The following SLC39A10 variants were observed in gnomAD, a reference collection of about 807,000 sequenced individuals.
The protein encoded by SLC39A10 is solute carrier family 39 member 10, also known as zinc transporter ZIP10.
Under a neutral mutation model 65.1 loss-of-function variants are expected in SLC39A10, and 13 were observed. That is an observed-to-expected ratio of 0.20 (90% CI 0.13 to 0.32). The LOEUF (loss-of-function observed/expected upper bound fraction) is 0.32. SLC39A10 is among the 10% of genes least tolerant of loss of function. The probability of loss-of-function intolerance (pLI) is 1.00; values close to 1 mark genes in which losing one functional copy is unlikely to be tolerated. For missense variants in SLC39A10, 831 were observed against 1,018.4 expected (o/e 0.82, Z 2.50); for synonymous variants, 321 against 342.2 (o/e 0.94, Z 0.68).
chr2:195,684,712 A>G (rs1561451), intron 3 of SLC39A10, among the ~76,000 whole-genome samples: 108,295 of 151,852 alleles, frequency 0.71, 38,723 homozygotes, highest in Non-Finnish European at 0.73. Flanking sequence ...CCACTCTGTC[A>G]TAACAATTCT....
At chr2:195,685,169 A>T (rs984663705) in intron 3 of SLC39A10, among the ~76,000 whole-genome samples, 8 of 152,148 alleles carry the variant, frequency 5.3e-5, no homozygotes, top group Non-Finnish European at 1.0e-4. Context: ...AAACAAGATA[A>T]GGAAACTGAC....
intron 2 of SLC39A10, among the ~76,000 whole-genome samples, chr2:195,615,465 C>A (rs1688185949): frequency 6.6e-6 from 1 of 152,158 alleles, no homozygotes; most frequent in Non-Finnish European, 1.5e-5. Flanking sequence ...GACCGGCCAT[C>A]TGGCCAGTTT....
intron 3 of SLC39A10, among the ~76,000 whole-genome samples, chr2:195,700,748 CT>C (rs780899883): frequency 1.3e-5 from 2 of 152,140 alleles, no homozygotes; most frequent in Non-Finnish European, 2.9e-5. Flanking sequence ...GGTCTATTGC[CT>C]TCTGACCCAC....
intron 5 of SLC39A10, among the ~76,000 whole-genome samples, chr2:195,709,744 C>T (rs945284313): frequency 3.9e-5 from 6 of 152,112 alleles, no homozygotes; most frequent in African/African-American, 4.8e-5. Context: ...ACAGCAGTCT[C>T]AGTTTCAGTT....
At chr2:195,641,685 CT>C (rs757617526) in intron 2 of SLC39A10, among the ~76,000 whole-genome samples, 414 of 128,102 alleles carry the variant, frequency 3.2e-3, no homozygotes, top group African/African-American at 7.5e-3. Context: ...TAGTATAGTT[CT>C]TTTTTTTTTT....
chr2:195,716,269 T>C (rs543926730), intron 6 of SLC39A10, among the ~76,000 whole-genome samples: 4 of 152,292 alleles, frequency 2.6e-5, no homozygotes, highest in African/African-American at 9.6e-5. Flanking sequence ...TAAAAAAGGC[T>C]TTCTATCCAA....
chr2:195,691,988 A>G (rs1690760047), intron 3 of SLC39A10, among the ~76,000 whole-genome samples: 2 of 152,078 alleles, frequency 1.3e-5, no homozygotes, highest in African/African-American at 4.8e-5. Flanking sequence ...TTCAAGTCTT[A>G]GATTTAAGTC....
At chr2:195,714,408 A>G (rs76142176) in intron 6 of SLC39A10, among the ~76,000 whole-genome samples, 1,591 of 152,312 alleles carry the variant, frequency 0.01, 35 homozygotes, top group East Asian at 0.07. Flanking sequence ...TAGGAGCCAT[A>G]TGATTAAATA....
intron 2 of SLC39A10, among the ~76,000 whole-genome samples, chr2:195,643,671 A>G (rs1167908767): frequency 6.6e-6 from 1 of 152,150 alleles, no homozygotes; most frequent in Non-Finnish European, 1.5e-5. Context: ...AAAGGAGGAG[A>G]AACTGGAACC....
At chr2:195,616,194 A>C (rs534281210) in intron 2 of SLC39A10, among the ~76,000 whole-genome samples, 2 of 152,210 alleles carry the variant, frequency 1.3e-5, no homozygotes, top group East Asian at 3.9e-4. Context: ...ACCTCATGTG[A>C]TCTGCCTGCC....
At chr2:195,648,698 A>AAATAGGTTGGATAATGTAAGAGTTAAG (rs1248027777) in intron 2 of SLC39A10, among the ~76,000 whole-genome samples, 1 of 152,154 alleles carries the variant, frequency 6.6e-6, no homozygotes, top group Non-Finnish European at 1.5e-5. Flanking sequence ...ACAAAAATAA[A>AAATAGGTTGGATAATGTAAGAGTTAAG]AATAGGTTGG....
At chr2:195,715,224 C>G (rs1321859711) in intron 6 of SLC39A10, among the ~76,000 whole-genome samples, 1 of 152,036 alleles carries the variant, frequency 6.6e-6, no homozygotes, top group East Asian at 1.9e-4. Flanking sequence ...ATAAAGAACT[C>G]TCTTAGAAAC....
At chr2:195,664,167 T>C in intron 1 of SLC39A10, among the ~76,000 whole-genome samples, 1 of 151,874 alleles carries the variant, frequency 6.6e-6, no homozygotes, top group East Asian at 1.9e-4. Context: ...ATGGAATATA[T>C]AATTTCTAAA....
chr2:195,704,934 GC>G (rs1249604028), intron 3 of SLC39A10, among the ~76,000 whole-genome samples: 6 of 151,912 alleles, frequency 3.9e-5, no homozygotes, highest in African/African-American at 1.5e-4. Context: ...AGTAGCTGGG[GC>G]TACAGGCATG....
At chr2:195,692,603 A>T (rs1231342704) in intron 3 of SLC39A10, among the ~76,000 whole-genome samples, 3 of 152,050 alleles carry the variant, frequency 2.0e-5, no homozygotes, top group African/African-American at 4.8e-5. Context: ...ATTTGTAGCT[A>T]TTGTAAAGGG....
chr2:195,690,505 A>G (rs970679793), intron 3 of SLC39A10, among the ~76,000 whole-genome samples: 9 of 152,188 alleles, frequency 5.9e-5, no homozygotes, highest in African/African-American at 2.2e-4. Context: ...CCAAGAGTGC[A>G]CAAGTCTCCC....
intron 1 of SLC39A10, among the ~76,000 whole-genome samples, chr2:195,660,528 T>G (rs1025505268): frequency 3.9e-5 from 6 of 152,244 alleles, no homozygotes; most frequent in African/African-American, 1.4e-4. Context: ...AGGTAATGTT[T>G]AAATTACAAT....
At chr2:195,632,003 C>T (rs142643520) in intron 2 of SLC39A10, among the ~76,000 whole-genome samples, 2,383 of 152,242 alleles carry the variant, frequency 0.016, 68 homozygotes, top group African/African-American at 0.054. Flanking sequence ...ATCCTCCCAC[C>T]TCAGCCTTCT....
At chr2:195,662,257 T>G (rs1374008728) in intron 1 of SLC39A10, among the ~76,000 whole-genome samples, 9 of 151,438 alleles carry the variant, frequency 5.9e-5, no homozygotes, top group African/African-American at 1.9e-4. Flanking sequence ...GAGATATGTA[T>G]CCTACTGTGG....
Sources: gnomAD v4.1 joint callset for allele counts (sites outside exome capture counted in the v4.1 genomes callset) on GRCh38, gnomAD v4.1.1 for gene constraint, MANE v1.5 for transcripts, NCBI Gene and HGNC (gene_info 2026-07-23, HGNC 2026-07-21) for gene names.